The following MAPT variants were observed in gnomAD, a reference collection of about 807,000 sequenced individuals.
The protein encoded by MAPT is microtubule associated protein tau, also known as microtubule-associated protein tau.
Under a neutral mutation model 67.9 loss-of-function variants are expected in MAPT, and 34 were observed. That is an observed-to-expected ratio of 0.50 (90% confidence interval 0.38 to 0.67). The LOEUF (loss-of-function observed/expected upper bound fraction) is 0.67, where lower values mean the gene tolerates loss of function less well. MAPT is among the 30% of genes least tolerant of loss of function. The pLI, the probability that MAPT is intolerant of heterozygous loss-of-function variation, is 0.00. For missense variants in MAPT, 881 were observed against 1,115.2 expected, an observed-to-expected ratio of 0.79 and a Z score of 2.99; for synonymous variants, 456 against 464.5, an observed-to-expected ratio of 0.98 and a Z score of 0.23.
chr17:45,995,509 A>G lies in MAPT; in HGVS notation c.1733-890A>G, dbSNP rs1160162394. Among the ~76,000 whole-genome samples the G allele has an allele frequency of 1.3e-5, 2 of 152,182 alleles. No homozygotes were observed. Among genetic ancestry groups the G allele is most frequent in the Non-Finnish European group, 2.9e-5 (2 of 68,032 alleles). Reference sequence around the variant, plus strand: ...AAAATACAGACCCATGAGATAGAATACCAGACTGTTGAAGTGTAACGGGGG... The same window carrying G: ...AAAATACAGACCCATGAGATAGAATGCCAGACTGTTGAAGTGTAACGGGGG... On this transcript the variant is annotated intron_variant, in intron 8 of 12. Transcript: ENST00000262410. The surrounding 1 kb of genome is among the most constrained non-coding windows in gnomAD (Gnocchi z 4.3).
chr17:45,903,878 T>TTATATATTATATATATTATATA (rs2063838440), intron 1 of MAPT, among the ~76,000 whole-genome samples: 4 of 37,910 alleles, frequency 1.1e-4, no homozygotes, highest in African/African-American at 3.8e-4. Flanking sequence ...ATATTATATA[T>TTATATATTATATATATTATATA]TTATATATTT....
intron 1 of MAPT, among the ~76,000 whole-genome samples, chr17:45,938,712 A>G (rs951153073): frequency 2.0e-5 from 3 of 151,986 alleles, no homozygotes; most frequent in African/African-American, 2.4e-5. Flanking sequence ...GTATGATCAC[A>G]GCTCACTGCA....
In MAPT at chr17:45,978,214, G is replaced by C. The variant is rs1031762297; in HGVS notation, c.221-161G>C. 13 of 696,418 alleles carry C rather than the reference G, an allele frequency of 1.9e-5. No homozygotes were observed. The African/African-American group carries it at 2.1e-4, about 11-fold the overall frequency. 43.1% of individuals were successfully genotyped at this position (696,418 alleles called of 1,614,324 possible). On this transcript the variant is annotated intron_variant, in intron 3 of 12. Coordinates refer to ENST00000262410, the MANE Select transcript of MAPT (RefSeq NM_001377265.1). Reference sequence around the variant, plus strand: ...TTTTATCACCAGCATCCTCAGCAATGACATTTGCAGAGAAGCCAGAGCTGA... The same window carrying C: ...TTTTATCACCAGCATCCTCAGCAATCACATTTGCAGAGAAGCCAGAGCTGA...
chr17:45,999,150 C>G, intron 9 of MAPT: 1 of 1,408,592 alleles, frequency 7.1e-7, no homozygotes, highest in Non-Finnish European at 9.4e-7. Flanking sequence ...CTTATCTCTT[C>G]CCTTCCCTTA....
chr17:45,960,248 C>T (rs73984650), intron 1 of MAPT, among the ~76,000 whole-genome samples: 3 of 152,352 alleles, frequency 2.0e-5, no homozygotes, highest in African/African-American at 4.8e-5. Flanking sequence ...CCATTTTTCA[C>T]GAAGCAGTGG....
rs1211741474 is a variant in MAPT, at chr17:45,990,957, C to A, written c.1606-503C>A. On this transcript the variant is annotated intron_variant, in intron 7 of 12. Transcript: ENST00000262410. ...GAGCACACCCAAGGAGTTCTTGAGGCCTTAGGGTTGTTTGCGAGAGAATGA... is the reference window on the plus strand; with the variant it reads ...GAGCACACCCAAGGAGTTCTTGAGGACTTAGGGTTGTTTGCGAGAGAATGA... 2.6e-5 allele frequency among the ~76,000 whole-genome samples: 4 copies of A among 152,112 alleles called. No homozygotes were observed. The South Asian group carries it at 6.2e-4, about 24-fold the overall frequency.
At chr17:45,928,396 C>T (rs1313543662) in intron 1 of MAPT, among the ~76,000 whole-genome samples, 1 of 151,886 alleles carries the variant, frequency 6.6e-6, no homozygotes, top group Non-Finnish European at 1.5e-5. Context: ...TTCTCCAACA[C>T]CCACACTACA....
intron 1 of MAPT, among the ~76,000 whole-genome samples, chr17:45,952,380 G>C (rs2069169260): frequency 6.6e-6 from 1 of 152,212 alleles, no homozygotes; most frequent in Admixed American, 6.5e-5. Flanking sequence ...GAGGCCTCCT[G>C]CTGTCCTGTC....
Position 45,990,006 on chromosome 17 carries a change from C to T in MAPT, c.1536C>T (p.Ser512=). The change falls in exon 7 of 13, where the codon TCC becomes TCT. Residue 512 remains serine, a synonymous_variant. Coordinates refer to ENST00000262410, the MANE Select transcript of MAPT (RefSeq NM_001377265.1). ...SSPAVCPEPP[S]SPKYVSSVTS... ...CTGCTGTGTGCCCAGAGCCACCTTCCTCTCCTAAATACGTCTCTTCTGTCA... is the reference window on the plus strand; with the variant it reads ...CTGCTGTGTGCCCAGAGCCACCTTCTTCTCCTAAATACGTCTCTTCTGTCA... 2 of 1,614,154 alleles carry T rather than the reference C, an allele frequency of 1.2e-6. No homozygotes were observed. The highest frequency in any genetic ancestry group is 1.1e-5 in the South Asian group (1 of 91,080).
At chr17:45,945,771 C>T (rs1414765482) in intron 1 of MAPT, among the ~76,000 whole-genome samples, 9 of 151,914 alleles carry the variant, frequency 5.9e-5, no homozygotes. Flanking sequence ...CGAGATCGCA[C>T]CACTGTACTC....
chr17:46,013,035 A>G (rs2075928397), intron 10 of MAPT, among the ~76,000 whole-genome samples: 1 of 152,182 alleles, frequency 6.6e-6, no homozygotes, highest in Non-Finnish European at 1.5e-5. Context: ...GCTGACACCA[A>G]AATAATTCGG....
At chr17:45,948,520 T>C (rs965881324) in intron 1 of MAPT, among the ~76,000 whole-genome samples, 3 of 152,196 alleles carry the variant, frequency 2.0e-5, no homozygotes, top group Admixed American at 6.5e-5. Flanking sequence ...AGAGCTTTAG[T>C]TCTGTTGGGC....
At chr17:45,941,588 G>A (rs186508534) in intron 1 of MAPT, among the ~76,000 whole-genome samples, 3 of 126,680 alleles carry the variant, frequency 2.4e-5, no homozygotes, top group East Asian at 4.5e-4. Flanking sequence ...TCCTTTGCCC[G>A]CCCTTCCTTC....
At chr17:45,946,615 A>AAAAAAAAAAAAATATATATATATATATAT in intron 1 of MAPT, among the ~76,000 whole-genome samples, 5 of 100,398 alleles carry the variant, frequency 5.0e-5, no homozygotes, top group Non-Finnish European at 5.9e-5. Context: ...AAAAAAAAAA[A>AAAAAAAAAAAAATATATATATATATATAT]ATATATATAT....
chr17:45,963,652 C>T (rs1159771287), intron 2 of MAPT, among the ~76,000 whole-genome samples: 3 of 152,094 alleles, frequency 2.0e-5, no homozygotes, highest in African/African-American at 7.2e-5. Context: ...CCTTGCAGCC[C>T]AGGGTATGGG....
At position 45,915,121 on chromosome 17, in the gene MAPT, G is replaced by T. The variant is rs1412188802; in HGVS notation, c.-18+20435G>T. Among the ~76,000 whole-genome samples, 2 of 152,334 alleles carry T rather than the reference G, an allele frequency of 1.3e-5. No homozygotes were observed. The highest frequency in any genetic ancestry group is 3.9e-4 in the East Asian group (2 of 5,194). On this transcript the variant is annotated intron_variant, in intron 1 of 12. Coordinates refer to ENST00000262410, the MANE Select transcript of MAPT (RefSeq NM_001377265.1). This position sits in a 1 kb window ranked among gnomAD's most constrained non-coding sequence, Gnocchi z 4.4. ...AGGGTTCTTTTAAAAGGCTCCTCAA[G>T]TGATGCTGGCAGGCATGACGAATGT... is the stretch of plus-strand genomic sequence containing the variant.
intron 11 of MAPT, among the ~76,000 whole-genome samples, chr17:46,014,675 C>T (rs2076039802): frequency 6.6e-6 from 1 of 152,050 alleles, no homozygotes; most frequent in Non-Finnish European, 1.5e-5. Flanking sequence ...GAGATTGAGA[C>T]CATCCTGGCT....
intron 1 of MAPT, among the ~76,000 whole-genome samples, chr17:45,920,912 C>T (rs62058963): frequency 0.022 from 3,351 of 152,254 alleles, 58 homozygotes; most frequent in Middle Eastern, 0.068. Context: ...CCTGGCACGC[C>T]GTGTATACTT....
intron 7 of MAPT, among the ~76,000 whole-genome samples, chr17:45,991,037 A>T (rs1001260823): frequency 6.6e-6 from 1 of 152,210 alleles, no homozygotes; most frequent in Non-Finnish European, 1.5e-5. Flanking sequence ...CACTGCCCCC[A>T]GGGGCCTCTG....
Sources: gnomAD v4.1 joint callset for allele counts (sites outside exome capture counted in the v4.1 genomes callset) on GRCh38, gnomAD v4.1.1 for gene constraint, Gnocchi (gnomAD v3.1) non-coding constraint, MANE v1.5 for transcripts, NCBI Gene and HGNC (gene_info 2026-07-23, HGNC 2026-07-21) for gene names.